The following MIDN variants were observed in gnomAD, a reference collection of about 807,000 sequenced individuals.
MIDN encodes midnolin.
MIDN carries 26 observed loss-of-function variants against 46.1 expected under a neutral mutation model. The observed-to-expected ratio is 0.56, with a 90% CI of 0.41 to 0.78. The LOEUF (loss-of-function observed/expected upper bound fraction) is 0.78. Ranked by LOEUF, MIDN falls within the 30% of genes least tolerant of loss-of-function variation. The pLI, the probability that MIDN is intolerant of heterozygous loss-of-function variation, is 0.00. For missense variants in MIDN, 850 were observed against 771.8 expected (o/e 1.10, Z -1.20); for synonymous variants, 432 against 343.3 (o/e 1.26, Z -2.86).
chr19:1,257,517 T>TCCTCCTCC lies in MIDN; in HGVS notation c.*245_*246insCCTCCTCC. The TCCTCCTCC allele has an allele frequency of 4.9e-6, 2 of 406,472 alleles. No individual in the cohort carries two copies. Among genetic ancestry groups the TCCTCCTCC allele is most frequent in the Admixed American group, 4.5e-5 (1 of 22,318 alleles). 25.2% of individuals were successfully genotyped at this position (406,472 alleles called of 1,614,324 possible). On this transcript the variant is annotated 3_prime_UTR_variant, in exon 9 of 9. Coordinates refer to ENST00000682408, the MANE Select transcript of MIDN (RefSeq NM_001388306.1). ...TTCACCCTTCACTCCTGCCCTCCTCTTCCTCCTCCTCCTCCTCCTCCGTCT... is the reference window on the plus strand; with the variant it reads ...TTCACCCTTCACTCCTGCCCTCCTCTCCTCCTCCTCCTCCTCCTCCTCCTCCTCCGTCT...
At position 1,257,350 on chromosome 19, in the gene MIDN, T is replaced by C. The variant is rs2081212638; in HGVS notation, c.*78T>C. 7.7e-7 allele frequency: 1 copy of C among 1,302,964 alleles called. No homozygotes were observed. The highest frequency in any genetic ancestry group is 2.0e-5 in the Admixed American group (1 of 49,048). 80.7% of individuals were successfully genotyped at this position (1,302,964 alleles called of 1,614,324 possible). On this transcript the variant is annotated 3_prime_UTR_variant, in exon 9 of 9. Coordinates refer to ENST00000682408, the MANE Select transcript of MIDN (RefSeq NM_001388306.1). ...GACTCCGAGAGCCCCGGAGAGAACG[T>C]GGCCCAGCCCTGGAGGGCAGGCGGC...
In MIDN at chr19:1,255,708, C is replaced by G. The variant is rs1199476665; in HGVS notation, c.1258+14C>G. 2.6e-6 allele frequency: 4 copies of G among 1,546,080 alleles called. No homozygotes were observed. Among genetic ancestry groups the G allele is most frequent in the Non-Finnish European group, 1.7e-6 (2 of 1,150,232 alleles). ...GCAAGCCCCCGGGTGAGTGGCCACC[C>G]TCGGGGGTCCTACCTTCCCCGCCCG... is the stretch of plus-strand genomic sequence containing the variant. On this transcript the variant is annotated intron_variant, in intron 8 of 8. Coordinates refer to ENST00000682408, the MANE Select transcript of MIDN (RefSeq NM_001388306.1).
chr19:1,250,563 T>A, intron 2 of MIDN, 34 bp downstream of exon 2: 1 of 1,086,456 alleles, frequency 9.2e-7, no homozygotes, highest in Non-Finnish European at 1.1e-6. Context: ...GGCCGCCCCC[T>A]CGGGCCCCGG....
chr19:1,257,743 G>T lies in MIDN; in HGVS notation c.*471G>T. On this transcript the variant is annotated 3_prime_UTR_variant, in exon 9 of 9. Transcript: ENST00000682408. The stretch of plus-strand genomic sequence containing the variant: ...TGTCATTATGCACTTTACAGATGAG[G>T]GGAGGGGCCGCAGTGCGCAGAACCC... 6.1e-6 allele frequency: 1 copy of T among 163,718 alleles called. No homozygotes were observed. 10.1% of individuals were successfully genotyped at this position (163,718 alleles called of 1,614,324 possible). A position where few individuals can be genotyped will look rare whatever the true frequency, so the allele number is the denominator to read the frequency against.
At position 1,257,509 on chromosome 19, in the gene MIDN, CCCTCCTCTT is replaced by C. The variant is rs1174418895; in HGVS notation, c.*245_*253del. The C allele has an allele frequency of 3.9e-4, 174 of 443,742 alleles. No individual in the cohort carries two copies. In the African/African-American group the frequency reaches 4.0e-3, roughly 10 times the overall value. The allele number at this position is 443,742 out of a possible 1,614,324, so 27.5% of individuals were successfully genotyped here. A position where few individuals can be genotyped will look rare whatever the true frequency, so the allele number is the denominator to read the frequency against. Reference sequence around the variant, plus strand: ...CTACCTCCTTCACCCTTCACTCCTGCCCTCCTCTTCCTCCTCCTCCTCCTCCTCCGTCTG... The same window carrying C: ...CTACCTCCTTCACCCTTCACTCCTGCCCTCCTCCTCCTCCTCCTCCGTCTG... On this transcript the variant is annotated 3_prime_UTR_variant, in exon 9 of 9. Coordinates refer to ENST00000682408, the MANE Select transcript of MIDN (RefSeq NM_001388306.1).
In MIDN at chr19:1,258,648, A is replaced by G. The variant is rs1599997651; in HGVS notation, c.*1376A>G. 8.4e-6 allele frequency: 1 copy of G among 119,518 alleles called. No homozygotes were observed. Among genetic ancestry groups the G allele is most frequent in the South Asian group, 2.8e-4 (1 of 3,530 alleles). The allele number at this position is 119,518 out of a possible 1,614,324, so 7.4% of individuals were successfully genotyped here. On this transcript the variant is annotated 3_prime_UTR_variant, in exon 9 of 9. Coordinates refer to ENST00000682408, the MANE Select transcript of MIDN (RefSeq NM_001388306.1). ...CCCAGGTCCTCAACTCCCCCCCTTT[A>G]TGTGTTGAAAGTTAATGGTTTCAGA...
chr19:1,255,486 G>A lies in MIDN; in HGVS notation c.1050G>A (p.Leu350=). Residue 350 remains leucine (L), a synonymous_variant, in exon 8 of 9, where the codon CTG becomes CTA. Coordinates refer to ENST00000682408, the MANE Select transcript of MIDN (RefSeq NM_001388306.1). ...GRPRRDIGTI[L]QILNDLLSAT... ...CGCGGCGTGACATCGGCACCATCCT[G>A]CAGATCCTGAACGACCTCCTGAGCG... 2 of 1,610,886 alleles carry A rather than the reference G, an allele frequency of 1.2e-6. No homozygotes were observed. The highest frequency in any genetic ancestry group is 1.7e-6 in the Non-Finnish European group (2 of 1,179,182).
At chr19:1,251,041 T>TGGAGGGGCCCATCGGG (rs2145485924) in intron 2 of MIDN, among the ~76,000 whole-genome samples, 1 of 150,750 alleles carries the variant, frequency 6.6e-6, no homozygotes, top group African/African-American at 2.4e-5. Flanking sequence ...TCCATCCCAG[T>TGGAGGGGCCCATCGGG]GGAGGGGCCC....
chr19:1,251,256 G>A (rs2081123971), intron 2 of MIDN: 2 of 379,710 alleles, frequency 5.3e-6, no homozygotes, highest in African/African-American at 4.3e-5. Context: ...GTGGGGGAAG[G>A]TGGCATAGAG....
At chr19:1,255,243 G>A (rs921330662) in intron 7 of MIDN, among the ~76,000 whole-genome samples, 179 bp from the exon 8 acceptor site, 4 of 152,064 alleles carry the variant, frequency 2.6e-5, no homozygotes, top group Admixed American at 2.0e-4. Flanking sequence ...GGGGGGCCGC[G>A]GGTCACCAGG....
At chr19:1,256,860 G>A (rs749389417) in intron 8 of MIDN, 135 bp from the exon 9 acceptor site, 1 of 1,339,714 alleles carries the variant, frequency 7.5e-7, no homozygotes, top group Non-Finnish European at 1.0e-6. Context: ...GTCCTTGACT[G>A]TTTCCTTTGC....
At chr19:1,248,995 C>T (rs922674516) in intron 1 of MIDN, among the ~76,000 whole-genome samples, 10 of 152,050 alleles carry the variant, frequency 6.6e-5, no homozygotes, top group African/African-American at 2.4e-4. Context: ...GCGCGCAGCC[C>T]AGTCGTCTTC....
In MIDN at chr19:1,257,319, G is replaced by A. The variant is rs375818896; in HGVS notation, c.*47G>A. 44 of 1,560,392 alleles carry A rather than the reference G, an allele frequency of 2.8e-5. No individual in the cohort carries two copies. Among genetic ancestry groups the A allele is most frequent in the South Asian group, 7.8e-5 (7 of 89,314 alleles). On this transcript the variant is annotated 3_prime_UTR_variant, in exon 9 of 9. Coordinates refer to ENST00000682408, the MANE Select transcript of MIDN (RefSeq NM_001388306.1). ...CGCCCCTCGCACCCCAGCCCAGGGCGGCGGGGACTCCGAGAGCCCCGGAGA... is the reference window on the plus strand; with the variant it reads ...CGCCCCTCGCACCCCAGCCCAGGGCAGCGGGGACTCCGAGAGCCCCGGAGA...
intron 4 of MIDN, among the ~76,000 whole-genome samples, chr19:1,252,596 C>T (rs1302551355): frequency 2.0e-5 from 3 of 152,086 alleles, no homozygotes; most frequent in African/African-American, 7.2e-5. Flanking sequence ...GCGGCCAAGC[C>T]TTCCTCAGAC....
intron 8 of MIDN, 43 bp from the exon 9 acceptor site, chr19:1,256,952 A>C (rs2081206012): frequency 6.3e-7 from 1 of 1,599,892 alleles, no homozygotes; most frequent in Non-Finnish European, 8.5e-7. Context: ...TGTGTTCAGC[A>C]GGTGGAGGCT....
chr19:1,256,258 C>T lies in MIDN; in HGVS notation c.1258+564C>T, dbSNP rs568433532. ...CAGCACTTTGGGAGGCCGACGCGGG[C>T]GGATCACGAGGTCAGGAGATCGAGA... On this transcript the variant is annotated intron_variant, in intron 8 of 8. Coordinates refer to ENST00000682408, the MANE Select transcript of MIDN (RefSeq NM_001388306.1). Among the ~76,000 whole-genome samples the T allele has an allele frequency of 1.4e-4, 22 of 152,308 alleles. No individual in the cohort carries two copies. In the South Asian group the frequency reaches 1.4e-3, roughly 10 times the overall value.
rs915701634 is a variant in MIDN at position 1,258,964 on chromosome 19, G to C, written c.*1692G>C. ...GGGTGGAACCTCCAGGCAGGAACCGGCTCGCCACCCTCTGCCCGGTAAGGG... is the reference window on the plus strand; with the variant it reads ...GGGTGGAACCTCCAGGCAGGAACCGCCTCGCCACCCTCTGCCCGGTAAGGG... On this transcript the variant is annotated 3_prime_UTR_variant, in exon 9 of 9. Coordinates refer to ENST00000682408, the MANE Select transcript of MIDN (RefSeq NM_001388306.1). 2 of 151,956 alleles carry C rather than the reference G, an allele frequency of 1.3e-5. No individual in the cohort carries two copies. The highest frequency in any genetic ancestry group is 2.4e-5 in the African/African-American group (1 of 41,370). 9.4% of individuals were successfully genotyped at this position (151,956 alleles called of 1,614,324 possible). A position where few individuals can be genotyped will look rare whatever the true frequency, so the allele number is the denominator to read the frequency against.
chr19:1,252,034 T>G, intron 4 of MIDN, 133 bp downstream of exon 4: 1 of 741,618 alleles, frequency 1.3e-6, no homozygotes, highest in Admixed American at 2.3e-5. Context: ...CCCGCCTGGG[T>G]GCCAGCCTGG....
At position 1,257,124 on chromosome 19, in the gene MIDN, C is replaced by T; in HGVS notation, c.1388C>T (p.Pro463Leu). 1 of 1,611,610 alleles carries T rather than the reference C, an allele frequency of 6.2e-7. No homozygotes were observed. The highest frequency in any genetic ancestry group is 8.5e-7 in the Non-Finnish European group (1 of 1,179,320). The change falls in exon 9 of 9, where the codon CCC becomes CTC. Residue 463 changes from proline (P) to leucine (L), a missense_variant. Physicochemically the swap from Pro to Leu is moderately conservative, Grantham distance 98. Coordinates refer to ENST00000682408, the MANE Select transcript of MIDN (RefSeq NM_001388306.1). ...GCGCGGGGTCCGTACCACTGGTCAC[C>T]CAGCCGCAAGGCCGGCCGCAGCGAC... is the stretch of plus-strand genomic sequence containing the variant. ...RDARGPYHWS[P>L]SRKAGRSDSS...
Sources: gnomAD v4.1 joint callset for allele counts (sites outside exome capture counted in the v4.1 genomes callset) on GRCh38, gnomAD v4.1.1 for gene constraint, MANE v1.5 for transcripts, NCBI Gene and HGNC (gene_info 2026-07-23, HGNC 2026-07-21) for gene names.